TRRAP: variants seen among roughly 807,000 people sequenced by gnomAD.
TRRAP encodes transformation/transcription domain associated protein, also known as transformation/transcription domain-associated protein.
In TRRAP, 41 loss-of-function variants were observed where a neutral mutation model predicts 438.8. The observed-to-expected ratio is 0.09, with a 90% confidence interval of 0.07 to 0.12. The LOEUF (loss-of-function observed/expected upper bound fraction) is 0.12, where lower values mean the gene tolerates loss of function less well. Among genes scored for constraint, TRRAP ranks in the 10% least tolerant of loss-of-function variants. TRRAP has a pLI of 1.00. For missense variants in TRRAP, 3,122 were observed against 5,055.1 expected (o/e 0.62, Z 11.60); for synonymous variants, 1,994 against 1,962.9 (o/e 1.02, Z -0.42).
intron 43 of TRRAP, among the ~76,000 whole-genome samples, 196 bp from the exon 44 acceptor site, chr7:98,957,785 C>G (rs1791689539): frequency 6.6e-6 from 1 of 152,226 alleles, no homozygotes; most frequent in Non-Finnish European, 1.5e-5. Flanking sequence ...ATTTTGTTGA[C>G]TAGCCATCTG....
intron 67 of TRRAP, among the ~76,000 whole-genome samples, chr7:98,997,483 CAAAAAAAAAA>C (rs61132070): frequency 2.1e-3 from 90 of 42,624 alleles, no homozygotes; most frequent in African/African-American, 5.2e-3. Flanking sequence ...ACTGCTGTTG[CAAAAAAAAAA>C]AAAAAAAAAA....
intron 26 of TRRAP, 132 bp downstream of exon 26, chr7:98,931,797 C>T: frequency 8.0e-7 from 1 of 1,248,280 alleles, no homozygotes; most frequent in Admixed American, 2.7e-5. Flanking sequence ...TTCCAGGACC[C>T]TGCGTGGGTA....
chr7:98,933,508 C>T (rs531724281), intron 27 of TRRAP, 106 bp downstream of exon 27: 101 of 1,446,964 alleles, frequency 7.0e-5, no homozygotes, highest in Non-Finnish European at 8.8e-5. Context: ...AAGGCTCGGG[C>T]GGGGACCTGC....
At position 98,984,236 on chromosome 7, in the gene TRRAP, A is replaced by G; in HGVS notation, c.9166A>G (p.Ile3056Val). The change falls in exon 61 of 73, where the codon ATA becomes GTA. Residue 3056 changes from isoleucine (I) to valine (V), a missense_variant. Physicochemically the swap from Ile to Val is conservative, Grantham distance 29. This residue lies in a region of TRRAP where 129 missense variants were observed against 279.2 expected (regional missense o/e 0.46). Coordinates refer to ENST00000456197, the MANE Select transcript of TRRAP (RefSeq NM_001375524.1). ...KQGLVNVALD[I>V]LSRIHTIPTV... ...AGGACTGGTCAATGTAGCTCTGGAT[A>G]TATTAAGTCGGATTCATACTATTCC... 6.2e-7 allele frequency: 1 copy of G among 1,614,090 alleles called. No individual in the cohort carries two copies. The highest frequency in any genetic ancestry group is 8.5e-7 in the Non-Finnish European group (1 of 1,179,996).
rs1554410615 is a variant in TRRAP at position 98,921,842 on chromosome 7, G to A, written c.2712G>A (p.Lys904=). 1 of 1,614,232 alleles carries A rather than the reference G, an allele frequency of 6.2e-7. No individual in the cohort carries two copies. The highest frequency in any genetic ancestry group is 1.1e-5 in the South Asian group (1 of 91,084). Residue 904 remains lysine, a synonymous_variant, in exon 21 of 73, where the codon AAG becomes AAA. Coordinates refer to ENST00000456197, the MANE Select transcript of TRRAP (RefSeq NM_001375524.1). The stretch of plus-strand genomic sequence containing the variant: ...GTAAGTTTGGCGGCAGTAACAGGAA[G>A]ATGCTGAAGGAGTCGCAGAAGCTGC... ...VLGKFGGSNR[K]MLKESQKLHY...
At chr7:98,990,003 G>A (rs1418673931) in intron 63 of TRRAP, among the ~76,000 whole-genome samples, 1 of 152,194 alleles carries the variant, frequency 6.6e-6, no homozygotes, top group Non-Finnish European at 1.5e-5. Context: ...CAAGGTGGGT[G>A]GATCACTTGA....
At chr7:98,945,058 G>A (rs1156833811) in intron 31 of TRRAP, among the ~76,000 whole-genome samples, 3 of 152,132 alleles carry the variant, frequency 2.0e-5, no homozygotes, top group African/African-American at 4.8e-5. Context: ...ACCTGCTTTC[G>A]CCTCCCAAAG....
chr7:98,921,379 T>A lies in TRRAP; in HGVS notation c.2623-374T>A, dbSNP rs1436192697. Among the ~76,000 whole-genome samples, 6 of 152,054 alleles carry A rather than the reference T, an allele frequency of 3.9e-5. No homozygotes were observed. The East Asian group carries it at 1.2e-3, about 29-fold the overall frequency. ...GTTGCCAAGCAGTGTTCCATCACTTTGAGGGTTTTTTTTGACATGGAGTCT... is the reference window on the plus strand; with the variant it reads ...GTTGCCAAGCAGTGTTCCATCACTTAGAGGGTTTTTTTTGACATGGAGTCT... On this transcript the variant is annotated intron_variant, in intron 20 of 72. Transcript: ENST00000456197.
intron 18 of TRRAP, 97 bp from the exon 19 acceptor site, chr7:98,915,626 T>C: frequency 2.1e-6 from 3 of 1,452,360 alleles, no homozygotes; most frequent in Non-Finnish European, 2.8e-6. Flanking sequence ...CAGAATTGCC[T>C]TCCATTGCTG....
chr7:98,930,885 C>T, intron 25 of TRRAP, 55 bp downstream of exon 25: 1 of 1,602,834 alleles, frequency 6.2e-7, no homozygotes, highest in Non-Finnish European at 8.5e-7. Context: ...TGGTGGTTTC[C>T]TGAAGAATAC....
chr7:98,941,240 A>T (rs1584338771), intron 30 of TRRAP, among the ~76,000 whole-genome samples: 2 of 152,240 alleles, frequency 1.3e-5, no homozygotes, highest in African/African-American at 4.8e-5. Context: ...CAGTGGCGTG[A>T]TCATAGCTCA....
In TRRAP at chr7:98,949,492, C is replaced by G. The variant is rs1408527591; in HGVS notation, c.4864C>G (p.Leu1622Val). 6.2e-7 allele frequency: 1 copy of G among 1,611,364 alleles called. No individual in the cohort carries two copies. The highest frequency in any genetic ancestry group is 8.5e-7 in the Non-Finnish European group (1 of 1,178,956). ...CAACCCCAACAGGTTCATCACCCTG[C>G]TGCTGCCGGGGGGTGCCCAGACGGC... ...AANPNRFITL[L>V]LPGGAQTAVR... Residue 1622 changes from leucine to valine, a missense_variant, in exon 36 of 73, where the codon CTG (leucine) becomes GTG (valine). Leu to Val is a conservative substitution (Grantham distance 32, BLOSUM62 1). Transcript: ENST00000456197.
intron 67 of TRRAP, among the ~76,000 whole-genome samples, chr7:99,003,956 C>G (rs1794052441): frequency 6.6e-6 from 1 of 152,070 alleles, no homozygotes; most frequent in South Asian, 2.1e-4. Context: ...GCCTGTAATC[C>G]CAGCTACTCG....
At chr7:98,980,111 A>G (rs1792846333) in intron 58 of TRRAP, among the ~76,000 whole-genome samples, 1 of 152,170 alleles carries the variant, frequency 6.6e-6, no homozygotes, top group East Asian at 1.9e-4. Context: ...TGCCTTCCTG[A>G]ATTTCTTCTT....
intron 58 of TRRAP, among the ~76,000 whole-genome samples, chr7:98,980,427 A>G (rs1792864219): frequency 6.6e-6 from 1 of 152,204 alleles, no homozygotes; most frequent in Non-Finnish European, 1.5e-5. Context: ...AATTTTTTAA[A>G]TATTTTTAAA....
At chr7:98,889,045 CTTTTTTTTTT>C (rs11326725) in intron 3 of TRRAP, among the ~76,000 whole-genome samples, 2 of 82,440 alleles carry the variant, frequency 2.4e-5, no homozygotes, top group African/African-American at 9.1e-5. Context: ...CAAAACTTTA[CTTTTTTTTTT>C]TTTTTTTTTT....
chr7:98,885,941 T>G (rs1291837984), intron 3 of TRRAP, among the ~76,000 whole-genome samples: 1 of 152,230 alleles, frequency 6.6e-6, no homozygotes, highest in African/African-American at 2.4e-5. Context: ...ATTAGCAGGT[T>G]ACCTCCTTCC....
At chr7:98,988,219 C>A (rs928549277) in intron 62 of TRRAP, among the ~76,000 whole-genome samples, 1 of 152,134 alleles carries the variant, frequency 6.6e-6, no homozygotes, top group Admixed American at 6.5e-5. Flanking sequence ...AACAGTTTGA[C>A]GGTTCCACAA....
In TRRAP at chr7:98,899,475, CATT is replaced by C; in HGVS notation, c.691_693del (p.Ile231del). 2 of 1,614,094 alleles carry C rather than the reference CATT, an allele frequency of 1.2e-6. No individual in the cohort carries two copies. Among genetic ancestry groups the C allele is most frequent in the Non-Finnish European group, 1.7e-6 (2 of 1,180,018 alleles). On this transcript the variant is annotated inframe_deletion, in exon 9 of 73. Coordinates refer to ENST00000456197, the MANE Select transcript of TRRAP (RefSeq NM_001375524.1). ...CTCTGAAAGTGTTGGCAGAATTGCCCATTATTGTTGTTTTAATGTATCAGGTAT... is the reference window on the plus strand; with the variant it reads ...CTCTGAAAGTGTTGGCAGAATTGCCCATTGTTGTTTTAATGTATCAGGTAT...
Sources: gnomAD v4.1 joint callset for allele counts (sites outside exome capture counted in the v4.1 genomes callset) on GRCh38, gnomAD v4.1.1 for gene constraint, gnomAD v4.1.1 regional missense constraint, MANE v1.5 for transcripts, NCBI Gene and HGNC (gene_info 2026-07-23, HGNC 2026-07-21) for gene names.